Variants in RMDN2 observed in about 807,000 individuals in gnomAD.
RMDN2 encodes the protein regulator of microtubule dynamics 2.
Under a neutral mutation model 52.8 loss-of-function variants are expected in RMDN2, and 61 were observed. The observed-to-expected ratio is 1.16, with a 90% CI of 0.94 to 1.43. The LOEUF (loss-of-function observed/expected upper bound fraction) is 1.43, where lower values mean the gene tolerates loss of function less well. Among genes scored for constraint, RMDN2 ranks in the 40% most tolerant of loss-of-function variants. The pLI, the probability that RMDN2 is intolerant of heterozygous loss-of-function variation, is 0.00. For missense variants in RMDN2, 592 were observed against 475.3 expected (o/e 1.25, Z -2.28); for synonymous variants, 180 against 153.1 (o/e 1.18, Z -1.30).
At chr2:38,038,208 C>G (rs1178791816) in intron 10 of RMDN2, among the ~76,000 whole-genome samples, 1 of 152,146 alleles carries the variant, frequency 6.6e-6, no homozygotes. Flanking sequence ...CCACTGGAGG[C>G]TCTTAGACTT....
intron 10 of RMDN2, among the ~76,000 whole-genome samples, chr2:38,009,536 C>G (rs547877446): frequency 9.9e-5 from 15 of 152,184 alleles, no homozygotes; most frequent in Admixed American, 2.0e-4. Flanking sequence ...TCACGTAGTT[C>G]TCGTGCCTTG....
At chr2:37,950,378 C>A in intron 2 of RMDN2, 1 of 1,461,238 alleles carries the variant, frequency 6.8e-7, no homozygotes, top group Admixed American at 1.8e-5. Flanking sequence ...GAAAGGTGAG[C>A]TACAGAACAG....
chr2:37,937,459 T>C (rs1667402409), intron 2 of RMDN2, among the ~76,000 whole-genome samples: 1 of 152,220 alleles, frequency 6.6e-6, no homozygotes. Flanking sequence ...TTCATGGGAA[T>C]AGCATTGAAT....
intron 2 of RMDN2, among the ~76,000 whole-genome samples, chr2:37,962,796 C>A (rs768341844): frequency 1.3e-5 from 2 of 152,114 alleles, no homozygotes; most frequent in East Asian, 3.9e-4. Flanking sequence ...AACGGCTGCC[C>A]AGTTTTGTGC....
At chr2:37,956,709 A>G (rs920967446) in intron 2 of RMDN2, among the ~76,000 whole-genome samples, 1 of 151,266 alleles carries the variant, frequency 6.6e-6, no homozygotes, top group African/African-American at 2.4e-5. Context: ...GCAGAAGTGC[A>G]GGTTTGTTAC....
chr2:38,030,740 T>C (rs1460702829), intron 10 of RMDN2: 6 of 152,108 alleles, frequency 3.9e-5, no homozygotes, highest in East Asian at 1.9e-4. Context: ...AGAAAAGTGG[T>C]ACAAAGGTTA....
At chr2:37,949,045 T>G (rs1006012786) in intron 2 of RMDN2, among the ~76,000 whole-genome samples, 4 of 152,154 alleles carry the variant, frequency 2.6e-5, no homozygotes, top group Non-Finnish European at 4.4e-5. Context: ...GTTCTTGCAA[T>G]GTGCAAAAGA....
intron 10 of RMDN2, among the ~76,000 whole-genome samples, chr2:38,009,241 A>G (rs2125217497): frequency 6.6e-6 from 1 of 152,154 alleles, no homozygotes; most frequent in East Asian, 1.9e-4. Flanking sequence ...CCTGAATTTG[A>G]ATGTTGGCCT....
At chr2:38,049,159 T>C (rs1309912234) in intron 10 of RMDN2, among the ~76,000 whole-genome samples, 1 of 152,228 alleles carries the variant, frequency 6.6e-6, no homozygotes, top group Non-Finnish European at 1.5e-5. Flanking sequence ...AGGGATTGTT[T>C]CTTATTACAC....
rs184434141 is a variant in RMDN2 at position 37,958,941 on chromosome 2, G to A, written c.453-15099G>A. 1.4e-4 allele frequency among the ~76,000 whole-genome samples: 21 copies of A among 151,142 alleles called. 1 individual carries two copies. The East Asian group carries it at 3.1e-3, about 22-fold the overall frequency. ...CTCACTTGTCATTGATTCTGTTTAT[G>A]TGATGGATTACGTTTATTGACTTGC... On this transcript the variant is annotated intron_variant, in intron 2 of 10. Coordinates refer to ENST00000354545, the MANE Select transcript of RMDN2 (RefSeq NM_001170791.3).
intron 2 of RMDN2, among the ~76,000 whole-genome samples, chr2:37,935,517 T>C (rs911170622): frequency 6.6e-6 from 1 of 152,224 alleles, no homozygotes; most frequent in Admixed American, 6.5e-5. Flanking sequence ...AACAAAGTTG[T>C]TTTCTACTTC....
chr2:37,933,857 T>C (rs891272311), intron 2 of RMDN2, among the ~76,000 whole-genome samples: 73 of 152,204 alleles, frequency 4.8e-4, no homozygotes, highest in African/African-American at 1.8e-3. Context: ...AATAAGTATG[T>C]AGAAACTCAC....
rs141376112 is a variant in RMDN2, at chr2:37,985,679, G to T, written c.792-3862G>T. Among the ~76,000 whole-genome samples the T allele has an allele frequency of 3.7e-3, 557 of 152,036 alleles. 9 individuals carry two copies. In the South Asian group the frequency reaches 0.041, roughly 11 times the overall value. ...AAAGTATGCTTGTAAAAGTTACAGA[G>T]AACACAAAATTAGAAGTAACAGGGT... On this transcript the variant is annotated intron_variant, in intron 5 of 10. Transcript: ENST00000354545.
intron 8 of RMDN2, among the ~76,000 whole-genome samples, chr2:37,999,260 C>T (rs771053226): frequency 2.0e-5 from 3 of 152,040 alleles, no homozygotes; most frequent in East Asian, 1.9e-4. Context: ...ATTAACACTG[C>T]GCAAATTGCT....
At chr2:38,060,771 G>A (rs919509876) in intron 10 of RMDN2, among the ~76,000 whole-genome samples, 4 of 152,154 alleles carry the variant, frequency 2.6e-5, no homozygotes, top group African/African-American at 7.2e-5. Context: ...ATGGCCAAGG[G>A]CTGTGGGGTT....
intron 2 of RMDN2, among the ~76,000 whole-genome samples, chr2:37,961,950 C>T (rs989710447): frequency 6.6e-6 from 1 of 152,226 alleles, no homozygotes; most frequent in African/African-American, 2.4e-5. Flanking sequence ...TCAGCTCCCT[C>T]TTCTGCAAGT....
At chr2:38,015,176 G>A (rs1006932057) in intron 10 of RMDN2, among the ~76,000 whole-genome samples, 2 of 152,132 alleles carry the variant, frequency 1.3e-5, no homozygotes, top group Non-Finnish European at 2.9e-5. Flanking sequence ...TATCTGTCTG[G>A]GTTCTGCCCT....
At chr2:37,982,482 A>C (rs1182447372) in intron 5 of RMDN2, among the ~76,000 whole-genome samples, 2 of 151,954 alleles carry the variant, frequency 1.3e-5, no homozygotes, top group East Asian at 3.9e-4. Context: ...AACCCACAGC[A>C]CCCTAACCCT....
intron 2 of RMDN2, among the ~76,000 whole-genome samples, chr2:37,946,085 A>G (rs1438245976): frequency 1.3e-5 from 2 of 152,230 alleles, no homozygotes; most frequent in African/African-American, 4.8e-5. Context: ...TAAGATGAAC[A>G]TTTTTAACAT....
Sources: allele counts gnomAD v4.1 joint callset (sites outside exome capture counted in the v4.1 genomes callset), GRCh38; gene constraint gnomAD v4.1.1; transcripts MANE v1.5; gene names NCBI Gene and HGNC (gene_info 2026-07-23, HGNC 2026-07-21).